Variants in CERT1 observed in about 807,000 individuals in gnomAD.
CERT1 encodes the protein ceramide transfer protein.
In CERT1, 31 loss-of-function variants were observed where a neutral mutation model predicts 87.9. The observed-to-expected ratio is 0.35, with a 90% confidence interval of 0.27 to 0.48. CERT1 has a LOEUF of 0.48. CERT1 is among the 20% of genes least tolerant of loss of function. CERT1 has a pLI of 0.99. For synonymous variants in CERT1, 289 were observed against 250.9 expected (o/e 1.15, Z -1.44); for missense variants, 487 against 758.0 (o/e 0.64, Z 4.20).
intron 12 of CERT1, among the ~76,000 whole-genome samples, chr5:75,386,920 T>C (rs1048547252): frequency 6.6e-6 from 1 of 152,186 alleles, no homozygotes; most frequent in Non-Finnish European, 1.5e-5. Context: ...CAGGCTGGAG[T>C]GCAATGGCGC....
chr5:75,400,064 G>A, intron 10 of CERT1, 141 bp downstream of exon 10: 1 of 597,832 alleles, frequency 1.7e-6, no homozygotes, highest in South Asian at 2.5e-5. Context: ...CCCGGGAGGT[G>A]GAGACTGTAG....
chr5:75,488,220 G>T lies in CERT1; in HGVS notation c.231+17762C>A, dbSNP rs372397740. On this transcript the variant is annotated intron_variant, in intron 2 of 16. Coordinates refer to ENST00000643780, the MANE Select transcript of CERT1 (RefSeq NM_001379029.1). ...AAAAATAGAATGTTTGTAACACAAA[G>T]AAATGATAAAAGCTTGTGGTGGATG... is the stretch of plus-strand genomic sequence containing the variant. Among the ~76,000 whole-genome samples, 6 of 152,024 alleles carry T rather than the reference G, an allele frequency of 3.9e-5. No individual in the cohort carries two copies. The East Asian group carries it at 9.6e-4, about 24-fold the overall frequency.
rs767988137 is a variant in CERT1 at position 75,511,222 on chromosome 5, C to A, written c.-15G>T. 1.2e-5 allele frequency: 20 copies of A among 1,612,038 alleles called. No homozygotes were observed. In the African/African-American group the frequency reaches 1.3e-4, roughly 11 times the overall value. ...TTATCCGACATGGAGGCTCGACAACCGAGCAGGAGACCGGCCCCCGCTCCC... is the reference window on the plus strand; with the variant it reads ...TTATCCGACATGGAGGCTCGACAACAGAGCAGGAGACCGGCCCCCGCTCCC... On this transcript the variant is annotated 5_prime_UTR_variant, in exon 1 of 17. Transcript: ENST00000643780.
At chr5:75,433,650 A>G (rs1763962866) in intron 3 of CERT1, among the ~76,000 whole-genome samples, 1 of 152,254 alleles carries the variant, frequency 6.6e-6, no homozygotes, top group Admixed American at 6.5e-5. Context: ...CCTCCAAAGT[A>G]GCTGGGACTA....
chr5:75,493,849 A>G (rs1241965650), intron 2 of CERT1, among the ~76,000 whole-genome samples: 2 of 152,142 alleles, frequency 1.3e-5, no homozygotes, highest in Non-Finnish European at 2.9e-5. Flanking sequence ...CTACCTTTAA[A>G]AAAACAAAAA....
chr5:75,434,070 G>A (rs559138075), intron 3 of CERT1, among the ~76,000 whole-genome samples: 3 of 151,806 alleles, frequency 2.0e-5, no homozygotes, highest in Non-Finnish European at 4.4e-5. Flanking sequence ...TCTTTTCCTG[G>A]TTATCACAGG....
chr5:75,478,359 C>T (rs1428773226), intron 2 of CERT1, among the ~76,000 whole-genome samples: 3 of 151,098 alleles, frequency 2.0e-5, no homozygotes, highest in Non-Finnish European at 4.4e-5. Context: ...AAAAACACAA[C>T]AAAAAAAGAG....
chr5:75,429,584 T>G (rs557725656), intron 3 of CERT1, among the ~76,000 whole-genome samples: 1 of 152,194 alleles, frequency 6.6e-6, no homozygotes, highest in Admixed American at 6.5e-5. Flanking sequence ...CTTGAGAGAC[T>G]GAGGCAGAAG....
chr5:75,477,053 C>A (rs1005022400), intron 2 of CERT1, among the ~76,000 whole-genome samples: 9 of 152,142 alleles, frequency 5.9e-5, no homozygotes, highest in African/African-American at 2.2e-4. Flanking sequence ...TACATGATAA[C>A]CTTTGCAGAT....
chr5:75,462,691 C>A (rs969757661), intron 2 of CERT1, among the ~76,000 whole-genome samples: 3 of 151,950 alleles, frequency 2.0e-5, no homozygotes, highest in Non-Finnish European at 2.9e-5. Context: ...ACGTGGGAAA[C>A]AACAACAAAA....
At chr5:75,388,012 T>A (rs1051083217) in intron 12 of CERT1, among the ~76,000 whole-genome samples, 1 of 152,158 alleles carries the variant, frequency 6.6e-6, no homozygotes, top group Non-Finnish European at 1.5e-5. Flanking sequence ...CTACGGTGAC[T>A]GAACGATGAC....
chr5:75,446,997 C>T (rs1764568773), intron 3 of CERT1, among the ~76,000 whole-genome samples: 1 of 152,176 alleles, frequency 6.6e-6, no homozygotes, highest in Non-Finnish European at 1.5e-5. Flanking sequence ...CCATAACTTG[C>T]AGTCAGAGCA....
At chr5:75,509,608 C>T (rs1767820316) in intron 1 of CERT1, among the ~76,000 whole-genome samples, 1 of 148,208 alleles carries the variant, frequency 6.7e-6, no homozygotes. Flanking sequence ...GTTACTTTTT[C>T]CCCCGGTCAC....
intron 8 of CERT1, among the ~76,000 whole-genome samples, chr5:75,409,579 C>T (rs1356188368): frequency 4.0e-5 from 6 of 151,794 alleles, no homozygotes; most frequent in South Asian, 2.1e-4. Flanking sequence ...CAGGCTGGAG[C>T]GCAGTGGCAC....
chr5:75,425,565 G>A (rs1763580640), intron 4 of CERT1, 66 bp from the exon 5 acceptor site: 1 of 1,522,948 alleles, frequency 6.6e-7, no homozygotes, highest in Admixed American at 1.8e-5. Context: ...GTGGTCCTAT[G>A]GTATTTCATC....
downstream of CERT1, chr5:75,375,651 T>C (rs1345239834): frequency 1.4e-5 from 2 of 146,790 alleles, no homozygotes; most frequent in African/African-American, 2.5e-5. Context: ...AAAATATATA[T>C]TATATATAAT....
intron 9 of CERT1, 50 bp downstream of exon 9, chr5:75,402,922 C>T (rs368414608): frequency 2.8e-6 from 3 of 1,085,078 alleles, no homozygotes; most frequent in Non-Finnish European, 4.3e-6. Flanking sequence ...CAAGGAATGC[C>T]TATAGTGTTA....
chr5:75,447,438 TA>T (rs550744077), intron 3 of CERT1, among the ~76,000 whole-genome samples: 5 of 138,456 alleles, frequency 3.6e-5, no homozygotes, highest in African/African-American at 1.2e-4. Context: ...CTTCCTTTTT[TA>T]AAAAAAATTT....
chr5:75,375,536 G>C (rs997939103), downstream of CERT1: 1 of 150,146 alleles, frequency 6.7e-6, no homozygotes, highest in Non-Finnish European at 1.5e-5. Context: ...AGCTGAGATC[G>C]CTCCAGTGTA....
Sources: gnomAD v4.1 joint callset for allele counts (sites outside exome capture counted in the v4.1 genomes callset) on GRCh38, gnomAD v4.1.1 for gene constraint, MANE v1.5 for transcripts, NCBI Gene and HGNC (gene_info 2026-07-23, HGNC 2026-07-21) for gene names.